Variants in PRKN observed in about 807,000 individuals in gnomAD.
PRKN encodes the protein parkin RBR E3 ubiquitin protein ligase.
A neutral mutation model predicts 59.5 loss-of-function variants in PRKN; 56 were observed. The observed-to-expected ratio is 0.94, with a 90% CI of 0.76 to 1.18. The LOEUF is 1.18. Ranked by LOEUF, PRKN falls within the 50% of genes most tolerant of loss-of-function variation. The pLI is 0.00. For missense variants in PRKN, 657 were observed against 596.4 expected (o/e 1.10, Z -1.06); for synonymous variants, 250 against 222.1 (o/e 1.13, Z -1.12).
chr6:162,402,660 C>CT (rs35383927), intron 2 of PRKN, among the ~76,000 whole-genome samples: 11,994 of 144,558 alleles, frequency 0.083, 515 homozygotes, highest in South Asian at 0.13. Flanking sequence ...CTTTTATTTC[C>CT]TTTTTTTTTT....
chr6:162,467,070 A>G (rs1198825908), intron 1 of PRKN, among the ~76,000 whole-genome samples: 1 of 152,180 alleles, frequency 6.6e-6, no homozygotes, highest in Non-Finnish European at 1.5e-5. Context: ...TTTATTTATT[A>G]GTATTATGAG....
chr6:161,870,742 T>C (rs144332322), intron 6 of PRKN, among the ~76,000 whole-genome samples: 88 of 152,326 alleles, frequency 5.8e-4, no homozygotes, highest in Non-Finnish European at 1.0e-3. Context: ...TTACTGACCA[T>C]ATATTATGTG....
At chr6:162,675,085 T>TTG (rs1779485408) in intron 1 of PRKN, among the ~76,000 whole-genome samples, 1 of 152,010 alleles carries the variant, frequency 6.6e-6, no homozygotes, top group Non-Finnish European at 1.5e-5. Flanking sequence ...TCTGGCTCTG[T>TTG]TGCCCGGCTG....
In PRKN at chr6:161,558,763, C is replaced by A. The variant is rs75101145; in HGVS notation, c.934-9760G>T. 2.0e-5 allele frequency among the ~76,000 whole-genome samples: 3 copies of A among 151,700 alleles called. No homozygotes were observed. The East Asian group carries it at 5.8e-4, about 29-fold the overall frequency. On this transcript the variant is annotated intron_variant, in intron 8 of 11. Transcript: ENST00000366898. ...TTCTATACGCATTAGAAATTTTTTT[C>A]AAAAAAGAAGCACTCCTTAGATTGT...
intron 9 of PRKN, among the ~76,000 whole-genome samples, chr6:161,528,768 T>C (rs1012918133): frequency 1.3e-5 from 2 of 152,158 alleles, no homozygotes; most frequent in Non-Finnish European, 2.9e-5. Context: ...CCTCAGGAGA[T>C]GGTATAATTA....
intron 2 of PRKN, among the ~76,000 whole-genome samples, chr6:162,295,904 A>G (rs1224800332): frequency 6.6e-6 from 1 of 152,172 alleles, no homozygotes; most frequent in African/African-American, 2.4e-5. Context: ...CATTGTTAAT[A>G]CAGGAAGGGC....
intron 4 of PRKN, among the ~76,000 whole-genome samples, chr6:162,073,717 G>A (rs1778687362): frequency 6.6e-6 from 1 of 152,226 alleles, no homozygotes. Context: ...CTCCCAAAGT[G>A]CTGGGATTAC....
intron 2 of PRKN, among the ~76,000 whole-genome samples, chr6:162,390,599 C>T (rs1015355174): frequency 6.6e-6 from 1 of 151,652 alleles, no homozygotes; most frequent in South Asian, 2.1e-4. Context: ...CCCCACCACG[C>T]CTGGCTAATA....
intron 1 of PRKN, among the ~76,000 whole-genome samples, chr6:162,623,528 C>T (rs1308449832): frequency 6.6e-6 from 1 of 152,054 alleles, no homozygotes; most frequent in Non-Finnish European, 1.5e-5. Context: ...GGTTATTTTC[C>T]AATGAGAATA....
At position 161,885,391 on chromosome 6, in the gene PRKN, T is replaced by C. The variant is rs557830127; in HGVS notation, c.734+87911A>G. Reference sequence around the variant, plus strand: ...CAACAATAAGAATGTCTGGGCCGGGTGCGGTGGCTCAGCCTGTAATCCCAG... The same window carrying C: ...CAACAATAAGAATGTCTGGGCCGGGCGCGGTGGCTCAGCCTGTAATCCCAG... On this transcript the variant is annotated intron_variant, in intron 6 of 11. Coordinates refer to ENST00000366898, the MANE Select transcript of PRKN (RefSeq NM_004562.3). Among the ~76,000 whole-genome samples, 30 of 152,024 alleles carry C rather than the reference T, an allele frequency of 2.0e-4. 1 individual carries two copies. The East Asian group carries it at 4.7e-3, about 24-fold the overall frequency.
At chr6:162,553,880 A>C (rs1779439946) in intron 1 of PRKN, among the ~76,000 whole-genome samples, 1 of 146,870 alleles carries the variant, frequency 6.8e-6, no homozygotes. Context: ...AGGCAGCTGA[A>C]AGAACATGAG....
chr6:162,480,372 C>A (rs1043701282), intron 1 of PRKN, among the ~76,000 whole-genome samples: 12 of 152,170 alleles, frequency 7.9e-5, no homozygotes, highest in African/African-American at 2.9e-4. Flanking sequence ...TGGCTGTATA[C>A]ATTTTTTTAC....
At chr6:161,564,206 G>A (rs761317692) in intron 8 of PRKN, among the ~76,000 whole-genome samples, 4 of 152,126 alleles carry the variant, frequency 2.6e-5, no homozygotes, top group Admixed American at 1.3e-4. Flanking sequence ...GCTTCCTCTC[G>A]GGAGCCTCAT....
intron 1 of PRKN, among the ~76,000 whole-genome samples, chr6:162,604,882 A>G (rs1024908743): frequency 2.0e-5 from 3 of 152,098 alleles, no homozygotes; most frequent in African/African-American, 7.2e-5. Flanking sequence ...TTTCACACTC[A>G]TGTTATGCTC....
intron 6 of PRKN, among the ~76,000 whole-genome samples, chr6:161,877,461 ATTTTT>A (rs35664661): frequency 2.1e-5 from 3 of 141,336 alleles, no homozygotes; most frequent in African/African-American, 5.2e-5. Context: ...ACATATTTGC[ATTTTT>A]TTTTTTTTTT....
chr6:161,418,729 G>T (rs997253251), intron 9 of PRKN, among the ~76,000 whole-genome samples: 2 of 152,220 alleles, frequency 1.3e-5, no homozygotes, highest in Non-Finnish European at 2.9e-5. Flanking sequence ...AATCAAAGCT[G>T]AAGTGTGAAC....
chr6:161,567,022 G>GTTTTTTTTTTT (rs71917520), intron 8 of PRKN, among the ~76,000 whole-genome samples: 2 of 87,108 alleles, frequency 2.3e-5, no homozygotes, highest in Admixed American at 1.1e-4. Flanking sequence ...CACTGTCCTT[G>GTTTTTTTTTTT]TTTTTTTTTT....
chr6:161,426,358 T>C (rs575585126), intron 9 of PRKN, among the ~76,000 whole-genome samples: 1 of 152,184 alleles, frequency 6.6e-6, no homozygotes, highest in South Asian at 2.1e-4. Context: ...TTTGAGTCAG[T>C]GGGCTGGGGA....
rs1413748115 is a variant in PRKN at position 162,685,904 on chromosome 6, A to G, written c.7+41758T>C. ...CTGCGTGTGTCTCTCTTCGCCCATC[A>G]TTAACGTGTGCATTCAATATTATAA... On this transcript the variant is annotated intron_variant, in intron 1 of 11. Coordinates refer to ENST00000366898, the MANE Select transcript of PRKN (RefSeq NM_004562.3). Among the ~76,000 whole-genome samples the G allele has an allele frequency of 2.6e-5, 4 of 152,122 alleles. No homozygotes were observed. The East Asian group carries it at 7.7e-4, about 29-fold the overall frequency.
Sources: allele counts gnomAD v4.1 joint callset (sites outside exome capture counted in the v4.1 genomes callset), GRCh38; gene constraint gnomAD v4.1.1; transcripts MANE v1.5; gene names NCBI Gene and HGNC (gene_info 2026-07-23, HGNC 2026-07-21).